Variants in TM9SF3 observed in about 807,000 individuals in gnomAD.
TM9SF3 encodes SM-11044-binding protein.
In TM9SF3, 14 loss-of-function variants were observed where a neutral mutation model predicts 78.6. The observed-to-expected ratio is 0.18, with a 90% CI of 0.12 to 0.28. The LOEUF is 0.28. Ranked by LOEUF, TM9SF3 falls within the 10% of genes least tolerant of loss-of-function variation. The pLI is 1.00. For synonymous variants in TM9SF3, 231 were observed against 241.7 expected (o/e 0.96, Z 0.41); for missense variants, 496 against 721.9 (o/e 0.69, Z 3.59).
Position 96,522,126 on chromosome 10 carries a change from C to A in TM9SF3, c.*137G>T. ...AATGGAAATAGATGTTACTTTAAGC[C>A]ACCGACGAAAGAGAGACCCACAAAG... On this transcript the variant is annotated 3_prime_UTR_variant, in exon 15 of 15. Coordinates refer to ENST00000371142, the MANE Select transcript of TM9SF3 (RefSeq NM_020123.4). 1.5e-6 allele frequency: 1 copy of A among 678,986 alleles called. No individual in the cohort carries two copies. The allele number at this position is 678,986 out of a possible 1,614,324, so 42.1% of individuals were successfully genotyped here.
At position 96,524,502 on chromosome 10, in the gene TM9SF3, T is replaced by C. The variant is rs112915574; in HGVS notation, c.1703-2172A>G. Among the ~76,000 whole-genome samples, 1,206 of 152,012 alleles carry C rather than the reference T, an allele frequency of 7.9e-3. 19 individuals carry two copies. The highest frequency in any genetic ancestry group is 0.028 in the African/African-American group (1,154 of 41,512). On this transcript the variant is annotated intron_variant, in intron 14 of 14. Transcript: ENST00000371142. ...CATTGTTCCCCTTTGAGCAGAAATA[T>C]GCTTAAAATCAAAACAGTTTCAACC...
At chr10:96,568,362 T>A (rs1848402305) in intron 2 of TM9SF3, among the ~76,000 whole-genome samples, 1 of 152,204 alleles carries the variant, frequency 6.6e-6, no homozygotes, top group South Asian at 2.1e-4. Context: ...GAAACACACA[T>A]CCATGAATTC....
intron 2 of TM9SF3, among the ~76,000 whole-genome samples, chr10:96,567,733 C>T (rs954564506): frequency 6.6e-6 from 1 of 152,194 alleles, no homozygotes. Flanking sequence ...GTCTTGAGCG[C>T]TTTGTCCATA....
At chr10:96,560,000 T>A (rs1848284895) in intron 4 of TM9SF3, among the ~76,000 whole-genome samples, 1 of 152,240 alleles carries the variant, frequency 6.6e-6, no homozygotes, top group African/African-American at 2.4e-5. Context: ...GACTTACATA[T>A]TATGACCTGA....
At chr10:96,534,458 T>C (rs1847932378) in intron 9 of TM9SF3, among the ~76,000 whole-genome samples, 1 of 152,148 alleles carries the variant, frequency 6.6e-6, no homozygotes, top group East Asian at 1.9e-4. Context: ...ATGTCGTAAA[T>C]ATGGGGAGTG....
chr10:96,547,044 C>T (rs143522501), intron 8 of TM9SF3, among the ~76,000 whole-genome samples: 124 of 152,274 alleles, frequency 8.1e-4, no homozygotes, highest in Non-Finnish European at 1.3e-3. Context: ...CTTGTATTAT[C>T]GTGTTATTAG....
chr10:96,540,555 T>C (rs1291198164), intron 9 of TM9SF3, among the ~76,000 whole-genome samples: 1 of 152,106 alleles, frequency 6.6e-6, no homozygotes, highest in Non-Finnish European at 1.5e-5. Flanking sequence ...CTTACTTTTT[T>C]TTGTTTATGG....
Position 96,522,111 on chromosome 10 carries a change from G to C in TM9SF3, c.*152C>G, listed in dbSNP as rs1589443995. On this transcript the variant is annotated 3_prime_UTR_variant, in exon 15 of 15. Coordinates refer to ENST00000371142, the MANE Select transcript of TM9SF3 (RefSeq NM_020123.4). Reference sequence around the variant, plus strand: ...GAAGAACCTAGGATCAATGGAAATAGATGTTACTTTAAGCCACCGACGAAA... The same window carrying C: ...GAAGAACCTAGGATCAATGGAAATACATGTTACTTTAAGCCACCGACGAAA... The C allele has an allele frequency of 1.6e-6, 1 of 640,706 alleles. No individual in the cohort carries two copies. Among genetic ancestry groups the C allele is most frequent in the Non-Finnish European group, 2.7e-6 (1 of 364,664 alleles). 39.7% of individuals were successfully genotyped at this position (640,706 alleles called of 1,614,324 possible). A position where few individuals can be genotyped will look rare whatever the true frequency, so the allele number is the denominator to read the frequency against.
chr10:96,569,261 G>C (rs1848412347), intron 2 of TM9SF3, among the ~76,000 whole-genome samples: 1 of 152,182 alleles, frequency 6.6e-6, no homozygotes. Context: ...AGAATCCAAT[G>C]AAAGTGATCT....
intron 5 of TM9SF3, among the ~76,000 whole-genome samples, chr10:96,555,889 C>A (rs1384317074): frequency 6.6e-6 from 1 of 152,098 alleles, no homozygotes; most frequent in Non-Finnish European, 1.5e-5. Context: ...AAAAATGACA[C>A]ATACCATCTT....
intron 8 of TM9SF3, among the ~76,000 whole-genome samples, chr10:96,545,759 C>G (rs1181228452): frequency 2.6e-5 from 4 of 152,088 alleles, no homozygotes; most frequent in African/African-American, 9.7e-5. Flanking sequence ...CATGGTGACA[C>G]GCGCCTGTAA....
intron 3 of TM9SF3, among the ~76,000 whole-genome samples, chr10:96,564,173 T>G (rs1848343945): frequency 6.7e-6 from 1 of 149,628 alleles, no homozygotes; most frequent in Admixed American, 6.6e-5. Flanking sequence ...GCACCGGTAG[T>G]CCCAGCTGCT....
Position 96,541,579 on chromosome 10 carries a change from T to C in TM9SF3, c.1185+2497A>G, listed in dbSNP as rs554649647. ...TTGCTTTTTCAGTAGAGATAGGGTTTCACCATGTTGGCCATGCTGATCTCA... is the reference window on the plus strand; with the variant it reads ...TTGCTTTTTCAGTAGAGATAGGGTTCCACCATGTTGGCCATGCTGATCTCA... On this transcript the variant is annotated intron_variant, in intron 9 of 14. Coordinates refer to ENST00000371142, the MANE Select transcript of TM9SF3 (RefSeq NM_020123.4). 1.3e-4 allele frequency among the ~76,000 whole-genome samples: 20 copies of C among 152,206 alleles called. No homozygotes were observed. In the South Asian group the frequency reaches 3.9e-3, roughly 30 times the overall value.
chr10:96,547,812 T>C, intron 8 of TM9SF3, 83 bp downstream of exon 8: 3 of 1,163,394 alleles, frequency 2.6e-6, no homozygotes, highest in Non-Finnish European at 3.8e-6. Context: ...GGAGTGAGAC[T>C]CTCTCAAAAC....
At chr10:96,542,037 T>C (rs1184532818) in intron 9 of TM9SF3, among the ~76,000 whole-genome samples, 1 of 152,236 alleles carries the variant, frequency 6.6e-6, no homozygotes, top group Non-Finnish European at 1.5e-5. Flanking sequence ...GTGATTCTAA[T>C]GTGTGCCCAG....
intron 3 of TM9SF3, 80 bp downstream of exon 3, chr10:96,565,224 C>T (rs1269008193): frequency 4.7e-6 from 6 of 1,282,062 alleles, no homozygotes; most frequent in African/African-American, 4.7e-5. Flanking sequence ...ATCCAGTACA[C>T]AATCACCTTA....
intron 8 of TM9SF3, 36 bp downstream of exon 8, chr10:96,547,859 A>G (rs757067743): frequency 2.0e-6 from 3 of 1,513,162 alleles, no homozygotes; most frequent in Non-Finnish European, 2.7e-6. Flanking sequence ...ATTAGCATCT[A>G]TAATTAACAA....
intron 9 of TM9SF3, among the ~76,000 whole-genome samples, chr10:96,538,445 T>C (rs1847984461): frequency 6.6e-6 from 1 of 152,016 alleles, no homozygotes; most frequent in African/African-American, 2.4e-5. Context: ...AGACAACATA[T>C]AAGGAAAGCT....
At position 96,562,186 on chromosome 10, in the gene TM9SF3, A is replaced by T. The variant is rs187897350; in HGVS notation, c.422-48T>A. 1,386 of 1,397,784 alleles carry T rather than the reference A, an allele frequency of 9.9e-4. 3 individuals are homozygous for T. Among genetic ancestry groups the T allele is most frequent in the East Asian group, 1.9e-3 (79 of 41,864 alleles). The allele number at this position is 1,397,784 out of a possible 1,614,324, so 86.6% of individuals were successfully genotyped here. On this transcript the variant is annotated intron_variant, in intron 3 of 14. Transcript: ENST00000371142. ...TACAAGGTAAAACCACTTAATATTT[A>T]AAATATCCTACAAGCTAAATGCTCA...
Sources: allele counts gnomAD v4.1 joint callset (sites outside exome capture counted in the v4.1 genomes callset), GRCh38; gene constraint gnomAD v4.1.1; transcripts MANE v1.5; gene names NCBI Gene and HGNC (gene_info 2026-07-23, HGNC 2026-07-21).